TCF12: variants seen among roughly 807,000 people sequenced by gnomAD.
TCF12 encodes transcription factor 12.
TCF12 carries 45 observed loss-of-function variants against 86.0 expected under a neutral mutation model. The observed-to-expected ratio is 0.52, with a 90% CI of 0.41 to 0.67. The LOEUF (loss-of-function observed/expected upper bound fraction) is 0.67. TCF12 is among the 30% of genes least tolerant of loss of function. The pLI is 0.00. For synonymous variants in TCF12, 330 were observed against 299.6 expected, an observed-to-expected ratio of 1.10 and a Z score of -1.05; for missense variants, 881 against 859.9, an observed-to-expected ratio of 1.02 and a Z score of -0.31.
chr15:57,195,785 T>A, intron 7 of TCF12, among the ~76,000 whole-genome samples: 1 of 152,290 alleles, frequency 6.6e-6, no homozygotes, highest in East Asian at 1.9e-4. Context: ...CGATGATCAC[T>A]TGAGACCAGG....
chr15:57,100,123 C>G (rs538937902), intron 5 of TCF12, among the ~76,000 whole-genome samples: 11 of 152,156 alleles, frequency 7.2e-5, no homozygotes, highest in Middle Eastern at 3.4e-3. Flanking sequence ...TTTGAATCTT[C>G]CCATTGTTTG....
chr15:57,044,834 A>G (rs1356074129), intron 3 of TCF12, among the ~76,000 whole-genome samples: 1 of 152,182 alleles, frequency 6.6e-6, no homozygotes, highest in Non-Finnish European at 1.5e-5. Flanking sequence ...TAGTGGACAT[A>G]AAGTGGAATG....
At chr15:57,028,838 G>A (rs1350913795) in intron 3 of TCF12, among the ~76,000 whole-genome samples, 2 of 151,238 alleles carry the variant, frequency 1.3e-5, no homozygotes, top group African/African-American at 4.9e-5. Flanking sequence ...TCACTGTGTC[G>A]CCCAGGCTGA....
chr15:57,029,422 A>G lies in TCF12; in HGVS notation c.149-34328A>G, dbSNP rs143304135. ...TTCGTACTTCCATATGCACTTTAGA[A>G]TCAGCTTGCAGTTTCATTTTAGAAA... On this transcript the variant is annotated intron_variant, in intron 3 of 20. Transcript: ENST00000333725. Among the ~76,000 whole-genome samples the G allele has an allele frequency of 4.8e-4, 73 of 152,296 alleles. No individual in the cohort carries two copies. The East Asian group carries it at 0.012, about 24-fold the overall frequency.
chr15:57,046,271 T>A (rs1392447684), intron 3 of TCF12, among the ~76,000 whole-genome samples: 14 of 152,212 alleles, frequency 9.2e-5, no homozygotes, highest in Non-Finnish European at 1.9e-4. Context: ...TACCTGGATC[T>A]AGCTAATTCT....
intron 3 of TCF12, among the ~76,000 whole-genome samples, chr15:56,974,405 G>C (rs1423125324): frequency 1.3e-5 from 2 of 152,020 alleles, no homozygotes; most frequent in Non-Finnish European, 2.9e-5. Context: ...AAGACTCTAT[G>C]GGGATTCTTT....
chr15:57,069,732 A>T (rs1304231775), intron 4 of TCF12, among the ~76,000 whole-genome samples: 7 of 152,134 alleles, frequency 4.6e-5, no homozygotes, highest in Non-Finnish European at 7.4e-5. Flanking sequence ...TAACCCCTTG[A>T]CTTTAGTACT....
chr15:57,111,220 C>T (rs1405443621), intron 5 of TCF12, among the ~76,000 whole-genome samples: 2 of 152,074 alleles, frequency 1.3e-5, no homozygotes, highest in Non-Finnish European at 2.9e-5. Flanking sequence ...TTATTTCACC[C>T]TGGACGGAGT....
chr15:57,149,751 A>G (rs1255326412), intron 5 of TCF12, among the ~76,000 whole-genome samples: 4 of 152,226 alleles, frequency 2.6e-5, no homozygotes, highest in Non-Finnish European at 5.9e-5. Flanking sequence ...GTTATCTTCT[A>G]CCTCATGCAC....
Position 57,231,173 on chromosome 15 carries a change from T to C in TCF12, c.601T>C (p.Ser201Pro), listed in dbSNP as rs372803499. The C allele has an allele frequency of 5.0e-6, 8 of 1,612,778 alleles. No individual in the cohort carries two copies. The highest frequency in any genetic ancestry group is 1.3e-5 in the African/African-American group (1 of 74,872). ...PSSVYAPSPN[S>P]DDFNRESPSY... Reference sequence around the variant, plus strand: ...TAAGGTATATGCACCATCCCCAAATTCAGATGATTTCAACCGTGAATCTCC... The same window carrying C: ...TAAGGTATATGCACCATCCCCAAATCCAGATGATTTCAACCGTGAATCTCC... The change falls in exon 9 of 21, where the codon TCA becomes CCA. Residue 201 changes from serine to proline, a missense_variant. Around this residue, in one of 3 missense-constraint regions of TCF12, gnomAD observed 766 missense variants for 718.9 expected, o/e 1.07. Coordinates refer to ENST00000333725, the MANE Select transcript of TCF12 (RefSeq NM_207037.2).
intron 12 of TCF12, among the ~76,000 whole-genome samples, chr15:57,241,250 C>T (rs1259737535): frequency 4.6e-5 from 7 of 152,034 alleles, no homozygotes; most frequent in Admixed American, 1.3e-4. Context: ...GCCCACCACG[C>T]CCGACTAATT....
intron 19 of TCF12, chr15:57,281,696 G>C (rs1567047303): frequency 6.6e-6 from 1 of 152,440 alleles, no homozygotes; most frequent in East Asian, 1.9e-4. Context: ...TGCTCCTTAT[G>C]AGAATCTAAT....
intron 6 of TCF12, among the ~76,000 whole-genome samples, chr15:57,184,057 T>C (rs1370288809): frequency 6.6e-6 from 1 of 152,186 alleles, no homozygotes; most frequent in Non-Finnish European, 1.5e-5. Context: ...ATCTGAAAGT[T>C]TATGTTTACC....
intron 5 of TCF12, among the ~76,000 whole-genome samples, chr15:57,130,746 T>C (rs1164669447): frequency 1.3e-5 from 2 of 152,212 alleles, no homozygotes; most frequent in East Asian, 1.9e-4. Context: ...TAAATGATAA[T>C]GAAAAATGTG....
At chr15:57,277,879 G>T (rs1191348725) in intron 19 of TCF12, among the ~76,000 whole-genome samples, 1 of 151,918 alleles carries the variant, frequency 6.6e-6, no homozygotes, top group East Asian at 1.9e-4. Context: ...GATTGAGGCT[G>T]CAGTGAGCTA....
At chr15:56,920,028 GTTTT>G (rs1391985377) in intron 2 of TCF12, 40 bp downstream of exon 2, 1 of 1,607,636 alleles carries the variant, frequency 6.2e-7, no homozygotes, top group Non-Finnish European at 8.5e-7. Flanking sequence ...TTCTGCTGAG[GTTTT>G]TGTTTGTTTG....
chr15:57,179,537 AT>A (rs879614803), intron 6 of TCF12, among the ~76,000 whole-genome samples: 168 of 147,742 alleles, frequency 1.1e-3, no homozygotes, highest in East Asian at 2.4e-3. Flanking sequence ...CTCAAAAGAA[AT>A]TTTTTTTTTT....
intron 7 of TCF12, among the ~76,000 whole-genome samples, chr15:57,197,491 C>T (rs1050370418): frequency 4.6e-5 from 7 of 152,120 alleles, no homozygotes; most frequent in Non-Finnish European, 1.0e-4. Flanking sequence ...ATTCCCTTCC[C>T]TCATACTAGT....
chr15:57,107,241 G>A (rs2050192752), intron 5 of TCF12, among the ~76,000 whole-genome samples: 1 of 152,154 alleles, frequency 6.6e-6, no homozygotes, highest in South Asian at 2.1e-4. Context: ...AAAAAGAAAT[G>A]AGCTATCAAG....
Sources: allele counts gnomAD v4.1 joint callset (sites outside exome capture counted in the v4.1 genomes callset), GRCh38; gene constraint gnomAD v4.1.1; regional missense constraint gnomAD v4.1.1; transcripts MANE v1.5; gene names NCBI Gene and HGNC (gene_info 2026-07-23, HGNC 2026-07-21).